The following CNTNAP5 variants were observed in gnomAD, a reference collection of about 807,000 sequenced individuals.
CNTNAP5 encodes contactin associated protein family member 5, also known as contactin-associated protein-like 5.
A neutral mutation model predicts 150.2 loss-of-function variants in CNTNAP5; 72 were observed. The ratio of observed to expected loss-of-function variants is 0.48; its 90% CI spans 0.40 to 0.58. CNTNAP5 has a LOEUF of 0.58. Among genes scored for constraint, CNTNAP5 ranks in the 20% least tolerant of loss-of-function variants. The pLI is 0.00. For missense variants in CNTNAP5, 1,636 were observed against 1,626.2 expected (o/e 1.01, Z -0.10); for synonymous variants, 672 against 619.8 (o/e 1.08, Z -1.25).
At chr2:124,816,849 A>T (rs961482818) in intron 19 of CNTNAP5, among the ~76,000 whole-genome samples, 11 of 152,194 alleles carry the variant, frequency 7.2e-5, no homozygotes, top group Non-Finnish European at 1.5e-4. Flanking sequence ...TAATGTAATT[A>T]CAGAGAGGAT....
At chr2:124,726,895 T>C (rs1680168030) in intron 13 of CNTNAP5, among the ~76,000 whole-genome samples, 1 of 152,020 alleles carries the variant, frequency 6.6e-6, no homozygotes, top group African/African-American at 2.4e-5. Flanking sequence ...GGGGTCATGC[T>C]AAAAAAATGT....
chr2:124,173,191 T>C (rs1186046799), intron 1 of CNTNAP5, among the ~76,000 whole-genome samples: 1 of 152,226 alleles, frequency 6.6e-6, no homozygotes, highest in African/African-American at 2.4e-5. Context: ...TTCCCCTATC[T>C]CACTCCCTCT....
At chr2:124,517,051 T>C (rs539619023) in intron 8 of CNTNAP5, among the ~76,000 whole-genome samples, 32 of 152,308 alleles carry the variant, frequency 2.1e-4, no homozygotes, top group African/African-American at 7.5e-4. Context: ...TGGGGATTTG[T>C]AGTGTTGGTG....
At chr2:124,554,700 G>A (rs536349910) in intron 10 of CNTNAP5, among the ~76,000 whole-genome samples, 6 of 152,234 alleles carry the variant, frequency 3.9e-5, no homozygotes, top group African/African-American at 1.4e-4. Flanking sequence ...GAGATCACAA[G>A]GGTGAGCCAC....
At chr2:124,230,523 T>C (rs1242285393) in intron 2 of CNTNAP5, among the ~76,000 whole-genome samples, 1 of 150,790 alleles carries the variant, frequency 6.6e-6, no homozygotes, top group African/African-American at 2.4e-5. Context: ...TATATATATA[T>C]ATATAAATTA....
At chr2:124,896,525 A>G (rs1678307977) in intron 21 of CNTNAP5, among the ~76,000 whole-genome samples, 1 of 150,508 alleles carries the variant, frequency 6.6e-6, no homozygotes, top group Admixed American at 6.6e-5. Context: ...ATGCCTTAGG[A>G]ATATGGAAGT....
At chr2:124,087,620 G>C (rs557881615) in intron 1 of CNTNAP5, among the ~76,000 whole-genome samples, 2 of 151,912 alleles carry the variant, frequency 1.3e-5, no homozygotes, top group South Asian at 4.1e-4. Flanking sequence ...TACTAGGGAG[G>C]CTGAGGCAGG....
chr2:124,872,415 T>TGC (rs1378073423), intron 21 of CNTNAP5, among the ~76,000 whole-genome samples: 30 of 144,126 alleles, frequency 2.1e-4, no homozygotes, highest in Admixed American at 7.7e-4. Context: ...TGTGTGTGTG[T>TGC]GCGTGCATGT....
At chr2:124,485,246 G>C (rs1693843826) in intron 7 of CNTNAP5, among the ~76,000 whole-genome samples, 1 of 152,120 alleles carries the variant, frequency 6.6e-6, no homozygotes, top group South Asian at 2.1e-4. Context: ...AGATAGGGTG[G>C]ACTGTGAAGG....
chr2:124,555,918 A>G (rs1695744768), intron 10 of CNTNAP5, among the ~76,000 whole-genome samples: 1 of 152,222 alleles, frequency 6.6e-6, no homozygotes, highest in African/African-American at 2.4e-5. Flanking sequence ...GCAAACGTAC[A>G]TATTTTTTCT....
At chr2:124,236,716 C>T (rs1332702841) in intron 2 of CNTNAP5, among the ~76,000 whole-genome samples, 1 of 152,016 alleles carries the variant, frequency 6.6e-6, no homozygotes, top group African/African-American at 2.4e-5. Flanking sequence ...TGAGAATATG[C>T]TTGTAGTTTC....
At chr2:124,587,124 T>A (rs1463127024) in intron 11 of CNTNAP5, among the ~76,000 whole-genome samples, 2 of 152,168 alleles carry the variant, frequency 1.3e-5, no homozygotes, top group Admixed American at 1.3e-4. Flanking sequence ...AACCACTAAC[T>A]CAAGTTGTAA....
chr2:124,410,717 C>T (rs570691150), intron 3 of CNTNAP5, among the ~76,000 whole-genome samples: 64 of 151,778 alleles, frequency 4.2e-4, no homozygotes, highest in Admixed American at 1.6e-3. Flanking sequence ...ATCTCTGGGA[C>T]GCATTCAGAG....
chr2:124,268,083 T>G (rs1022359886), intron 3 of CNTNAP5, among the ~76,000 whole-genome samples: 1 of 152,194 alleles, frequency 6.6e-6, no homozygotes, highest in Non-Finnish European at 1.5e-5. Context: ...CTGTGTGAAC[T>G]CAGGGCTATC....
intron 4 of CNTNAP5, among the ~76,000 whole-genome samples, chr2:124,433,016 G>A (rs1021762053): frequency 2.0e-5 from 3 of 152,160 alleles, no homozygotes; most frequent in Non-Finnish European, 4.4e-5. Context: ...TTTCTCTAAT[G>A]GATATAATTA....
intron 12 of CNTNAP5, among the ~76,000 whole-genome samples, chr2:124,616,347 T>G (rs1677493313): frequency 6.6e-6 from 1 of 152,188 alleles, no homozygotes; most frequent in South Asian, 2.1e-4. Context: ...GCTTCTTTAA[T>G]TAAACCTCAT....
chr2:124,826,501 G>A (rs1024425869), intron 19 of CNTNAP5, among the ~76,000 whole-genome samples: 3 of 152,066 alleles, frequency 2.0e-5, no homozygotes, highest in African/African-American at 7.2e-5. Flanking sequence ...CTTTATTCTG[G>A]GATGAAGCCC....
chr2:124,595,038 C>G (rs1211875381), intron 11 of CNTNAP5, among the ~76,000 whole-genome samples: 2 of 143,334 alleles, frequency 1.4e-5, no homozygotes, highest in African/African-American at 5.2e-5. Flanking sequence ...AGATTTTGGG[C>G]TGAGATGATG....
At chr2:124,238,924 G>C (rs1008159776) in intron 2 of CNTNAP5, among the ~76,000 whole-genome samples, 6 of 152,184 alleles carry the variant, frequency 3.9e-5, no homozygotes, top group African/African-American at 1.4e-4. Flanking sequence ...CCTATTAGCT[G>C]TAATGCGGGG....
Sources: gnomAD v4.1 joint callset for allele counts (sites outside exome capture counted in the v4.1 genomes callset) on GRCh38, gnomAD v4.1.1 for gene constraint, MANE v1.5 for transcripts, NCBI Gene and HGNC (gene_info 2026-07-23, HGNC 2026-07-21) for gene names.